Variants in ANKRD17 observed in about 807,000 individuals in gnomAD.
The protein encoded by ANKRD17 is ankyrin repeat domain 17.
A neutral mutation model predicts 229.7 loss-of-function variants in ANKRD17; 19 were observed. The ratio of observed to expected loss-of-function variants is 0.08; its 90% CI spans 0.06 to 0.12. The LOEUF is 0.12. Among genes scored for constraint, ANKRD17 ranks in the 10% least tolerant of loss-of-function variants. The pLI is 1.00. For missense variants in ANKRD17, 2,176 were observed against 3,176.8 expected (o/e 0.68, Z 7.57); for synonymous variants, 1,112 against 1,146.1 (o/e 0.97, Z 0.60).
intron 1 of ANKRD17, among the ~76,000 whole-genome samples, chr4:73,230,218 A>G (rs1312212603): frequency 6.6e-6 from 1 of 152,198 alleles, no homozygotes; most frequent in Non-Finnish European, 1.5e-5. Context: ...ATAAAATTGT[A>G]ACATTATAAA....
At chr4:73,164,164 A>G (rs1732916149) in intron 2 of ANKRD17, among the ~76,000 whole-genome samples, 1 of 152,210 alleles carries the variant, frequency 6.6e-6, no homozygotes, top group African/African-American at 2.4e-5. Flanking sequence ...GAATTTCCAC[A>G]TGAAAAAAAT....
Position 73,091,054 on chromosome 4 carries a change from A to G in ANKRD17, c.6574T>C (p.Ser2192Pro), listed in dbSNP as rs1202915754. 42 of 1,614,106 alleles carry G rather than the reference A, an allele frequency of 2.6e-5. No homozygotes were observed. Among genetic ancestry groups the G allele is most frequent in the Non-Finnish European group, 2.6e-5 (31 of 1,180,056 alleles). Residue 2192 changes from serine (S) to proline (P), a missense_variant, in exon 29 of 34, where the codon TCA becomes CCA. Coordinates refer to ENST00000358602, the MANE Select transcript of ANKRD17 (RefSeq NM_032217.5). ...PHGTTAPHKN[S>P]ASVQNSSVAV... Reference sequence around the variant, plus strand: ...ACAGATGAATTTTGCACTGAAGCTGAATTCTTGTGAGGGGCAGTTGTGCCA... The same window carrying G: ...ACAGATGAATTTTGCACTGAAGCTGGATTCTTGTGAGGGGCAGTTGTGCCA...
At position 73,227,582 on chromosome 4, in the gene ANKRD17, T is replaced by C. The variant is rs142644597; in HGVS notation, c.393+30694A>G. Among the ~76,000 whole-genome samples, 324 of 152,134 alleles carry C rather than the reference T, an allele frequency of 2.1e-3. 4 individuals are homozygous for C. In the South Asian group the frequency reaches 0.024, roughly 11 times the overall value. ...AAATAGCAATTAACATATTAAGCTA[T>C]GCAAACAAATGTAAACATATAAAAA... is the stretch of plus-strand genomic sequence containing the variant. On this transcript the variant is annotated intron_variant, in intron 1 of 33. Transcript: ENST00000358602.
At chr4:73,124,623 G>A (rs1727197376) in intron 18 of ANKRD17, among the ~76,000 whole-genome samples, 3 of 152,144 alleles carry the variant, frequency 2.0e-5, no homozygotes, top group Non-Finnish European at 4.4e-5. Flanking sequence ...GTGAATATAG[G>A]CCCTGTACAT....
intron 1 of ANKRD17, among the ~76,000 whole-genome samples, chr4:73,185,719 ACGGCTAT>A (rs1249637815): frequency 6.6e-6 from 1 of 152,094 alleles, no homozygotes; most frequent in Admixed American, 6.5e-5. Context: ...GAAATGACTT[ACGGCTAT>A]CATTATGGGA....
intron 1 of ANKRD17, among the ~76,000 whole-genome samples, chr4:73,238,945 A>G (rs752357473): frequency 1.3e-5 from 2 of 151,886 alleles, no homozygotes; most frequent in Non-Finnish European, 2.9e-5. Context: ...TACCTCTTAG[A>G]ACTGGGAAGA....
At chr4:73,204,144 G>A (rs1016270604) in intron 1 of ANKRD17, among the ~76,000 whole-genome samples, 4 of 151,898 alleles carry the variant, frequency 2.6e-5, no homozygotes, top group Non-Finnish European at 5.9e-5. Context: ...CGATCACGAG[G>A]TCAGGTCACT....
intron 1 of ANKRD17, among the ~76,000 whole-genome samples, chr4:73,217,199 G>A (rs911741496): frequency 9.2e-5 from 14 of 152,288 alleles, no homozygotes; most frequent in African/African-American, 2.2e-4. Context: ...TTGGACAACC[G>A]TGCCTTTACT....
chr4:73,090,900 G>C lies in ANKRD17; in HGVS notation c.6728C>G (p.Pro2243Arg). ...AAATGGTAAGGGGGCACTGAAATTG[G>C]GAGCAATAGGCTTATTTGCTGGATG... ...SVHPANKPIAPNFSAPLPFGP... is the reference protein window; with the variant it reads ...SVHPANKPIARNFSAPLPFGP... Residue 2243 changes from proline to arginine, a missense_variant, in exon 29 of 34, where the codon CCC becomes CGC. Transcript: ENST00000358602. 2 of 1,614,226 alleles carry C rather than the reference G, an allele frequency of 1.2e-6. No homozygotes were observed. Among genetic ancestry groups the C allele is most frequent in the South Asian group, 2.2e-5 (2 of 91,088 alleles).
intron 13 of ANKRD17, 111 bp from the exon 14 acceptor site, chr4:73,141,954 T>A: frequency 1.1e-6 from 1 of 922,536 alleles, no homozygotes; most frequent in Non-Finnish European, 1.6e-6. Context: ...TAATATGTCA[T>A]CTTAGACAAT....
At chr4:73,243,832 G>T (rs1447972712) in intron 1 of ANKRD17, among the ~76,000 whole-genome samples, 1 of 152,206 alleles carries the variant, frequency 6.6e-6, no homozygotes, top group African/African-American at 2.4e-5. Flanking sequence ...TTGGCAACTT[G>T]TTGGTCAATT....
chr4:73,179,442 A>G (rs1475997783), intron 1 of ANKRD17, among the ~76,000 whole-genome samples: 1 of 141,118 alleles, frequency 7.1e-6, no homozygotes, highest in Non-Finnish European at 1.5e-5. Context: ...GTGTGTGTAT[A>G]TATATCTGTG....
At chr4:73,085,221 T>C in intron 30 of ANKRD17, 28 bp downstream of exon 30, 1 of 1,602,632 alleles carries the variant, frequency 6.2e-7, no homozygotes, top group Non-Finnish European at 8.5e-7. Context: ...ATGCAGATTC[T>C]TATGGAATTA....
chr4:73,152,810 C>T (rs892371336), intron 6 of ANKRD17, among the ~76,000 whole-genome samples: 1 of 152,106 alleles, frequency 6.6e-6, no homozygotes, highest in Non-Finnish European at 1.5e-5. Context: ...CAGCCTCTGC[C>T]TAATTATAAA....
chr4:73,160,364 G>A (rs1034907681), intron 3 of ANKRD17, among the ~76,000 whole-genome samples: 29 of 152,108 alleles, frequency 1.9e-4, no homozygotes, highest in African/African-American at 5.3e-4. Context: ...GATTGCAGGC[G>A]TGCGCCACCA....
rs56882212 is a variant in ANKRD17 at position 73,171,178 on chromosome 4, G to GGAGAGAGAGAGAGA, written c.547+6188_547+6201dup. ...CCCAGCTCCACATGGCTCAGAGGGG[G>GGAGAGAGAGAGAGA]GAGAGAGAGAGAGAGAGAGAGAGAG... On this transcript the variant is annotated intron_variant, in intron 2 of 33. Coordinates refer to ENST00000358602, the MANE Select transcript of ANKRD17 (RefSeq NM_032217.5). 6.5e-3 allele frequency among the ~76,000 whole-genome samples: 676 copies of GGAGAGAGAGAGAGA among 104,448 alleles called. 28 individuals carry two copies. The highest frequency in any genetic ancestry group is 0.014 in the African/African-American group (358 of 24,880). 68.5% of individuals were successfully genotyped at this position (104,448 alleles called of 152,430 possible).
intron 1 of ANKRD17, among the ~76,000 whole-genome samples, chr4:73,205,750 C>A (rs1362505768): frequency 1.3e-5 from 2 of 152,132 alleles, no homozygotes; most frequent in Non-Finnish European, 2.9e-5. Flanking sequence ...GGGATTACAT[C>A]AAGCTAACAA....
chr4:73,098,972 G>T, intron 25 of ANKRD17: 2 of 991,908 alleles, frequency 2.0e-6, no homozygotes, highest in Admixed American at 1.8e-5. Context: ...GCCCAGTGAA[G>T]TGCCAACACC....
intron 14 of ANKRD17, among the ~76,000 whole-genome samples, chr4:73,141,401 TA>T (rs766211153): frequency 1.2e-4 from 19 of 152,348 alleles, no homozygotes; most frequent in Non-Finnish European, 2.5e-4. Flanking sequence ...TTTATGCCTT[TA>T]TAACTGCAGA....
Sources: gnomAD v4.1 joint callset for allele counts (sites outside exome capture counted in the v4.1 genomes callset) on GRCh38, gnomAD v4.1.1 for gene constraint, MANE v1.5 for transcripts, NCBI Gene and HGNC (gene_info 2026-07-23, HGNC 2026-07-21) for gene names.